BCAS3: variants seen among roughly 807,000 people sequenced by gnomAD.
BCAS3 encodes BCAS3 microtubule associated cell migration factor, also known as BCAS4/BCAS3 fusion.
BCAS3 carries 53 observed loss-of-function variants against 116.1 expected under a neutral mutation model. That is an observed-to-expected ratio of 0.46 (90% CI 0.37 to 0.57). The LOEUF is 0.57. Among genes scored for constraint, BCAS3 ranks in the 20% least tolerant of loss-of-function variants. The pLI is 0.00. For synonymous variants in BCAS3, 391 were observed against 408.2 expected (o/e 0.96, Z 0.51); for missense variants, 917 against 1,165.4 (o/e 0.79, Z 3.10).
chr17:60,902,359 T>G (rs1222714467), intron 10 of BCAS3, among the ~76,000 whole-genome samples: 2 of 152,188 alleles, frequency 1.3e-5, no homozygotes, highest in East Asian at 3.8e-4. Context: ...CATTTCAGAG[T>G]TTATGGATTC....
intron 16 of BCAS3, among the ~76,000 whole-genome samples, chr17:61,018,485 A>ACAGACAGGGTTTCGC: frequency 6.6e-6 from 1 of 151,652 alleles, no homozygotes; most frequent in Non-Finnish European, 1.5e-5. Context: ...TATTTTTAGT[A>ACAGACAGGGTTTCGC]CAGACAGGGT....
At chr17:61,291,423 T>C (rs1197222085) in intron 22 of BCAS3, among the ~76,000 whole-genome samples, 1 of 152,180 alleles carries the variant, frequency 6.6e-6, no homozygotes, top group Non-Finnish European at 1.5e-5. Flanking sequence ...AGAAGGATTG[T>C]GAGATTTGAG....
chr17:60,840,037 A>G (rs550049338), intron 7 of BCAS3, among the ~76,000 whole-genome samples: 168 of 152,146 alleles, frequency 1.1e-3, no homozygotes, highest in Admixed American at 2.4e-3. Flanking sequence ...TGTTCATTGT[A>G]TTGCATTAAA....
At chr17:61,284,981 T>A (rs1207267506) in intron 22 of BCAS3, among the ~76,000 whole-genome samples, 1 of 152,178 alleles carries the variant, frequency 6.6e-6, no homozygotes, top group Non-Finnish European at 1.5e-5. Flanking sequence ...GTCATCAAGG[T>A]TCTCTCCTGG....
intron 22 of BCAS3, among the ~76,000 whole-genome samples, chr17:61,317,541 T>C (rs950525366): frequency 5.3e-5 from 8 of 152,152 alleles, no homozygotes; most frequent in Admixed American, 1.3e-4. Context: ...GAGGGCTTCA[T>C]TGACGGTGAG....
Position 61,024,949 on chromosome 17 carries a change from G to A in BCAS3, c.1637+9048G>A, listed in dbSNP as rs143442845. 2.0e-4 allele frequency among the ~76,000 whole-genome samples: 31 copies of A among 152,132 alleles called. 1 individual carries two copies. The East Asian group carries it at 5.6e-3, about 27-fold the overall frequency. On this transcript the variant is annotated intron_variant, in intron 16 of 23. Coordinates refer to ENST00000407086, the MANE Select transcript of BCAS3 (RefSeq NM_017679.5). The stretch of plus-strand genomic sequence containing the variant: ...CTGCCCTGAGTAGGTACAATATAAC[G>A]ACGTAAGCCTGGACATTCCAGATTA...
chr17:60,896,598 G>A (rs1283220845), intron 10 of BCAS3, among the ~76,000 whole-genome samples: 2 of 142,892 alleles, frequency 1.4e-5, no homozygotes, highest in Admixed American at 1.4e-4. Context: ...TTTTCCAGCT[G>A]TTTTTGACTT....
chr17:61,303,266 T>C (rs1358806222), intron 22 of BCAS3, among the ~76,000 whole-genome samples: 2 of 152,226 alleles, frequency 1.3e-5, no homozygotes, highest in Admixed American at 1.3e-4. Context: ...TCTTCTGAGC[T>C]GCCTAAAACA....
chr17:61,338,024 C>T (rs1279024857), intron 22 of BCAS3, among the ~76,000 whole-genome samples: 4 of 152,100 alleles, frequency 2.6e-5, no homozygotes, highest in Non-Finnish European at 4.4e-5. Context: ...AAAGTTAGGT[C>T]GAATGTCACG....
chr17:60,758,941 G>C (rs564540568), intron 6 of BCAS3, among the ~76,000 whole-genome samples: 19 of 151,244 alleles, frequency 1.3e-4, no homozygotes, highest in African/African-American at 4.4e-4. Flanking sequence ...AATTCATTTT[G>C]ATGTTGATAC....
chr17:60,931,935 T>C (rs2059666662), intron 13 of BCAS3, among the ~76,000 whole-genome samples: 1 of 151,998 alleles, frequency 6.6e-6, no homozygotes, highest in South Asian at 2.1e-4. Flanking sequence ...TAGCTGGGTG[T>C]AGTGGTGCAC....
chr17:61,125,950 C>T (rs1183536634), intron 22 of BCAS3, among the ~76,000 whole-genome samples: 1 of 152,076 alleles, frequency 6.6e-6, no homozygotes, highest in African/African-American at 2.4e-5. Flanking sequence ...AGTGAAAAAA[C>T]AGAGTTTACC....
At chr17:61,009,262 T>C (rs995095642) in intron 15 of BCAS3, among the ~76,000 whole-genome samples, 1 of 152,070 alleles carries the variant, frequency 6.6e-6, no homozygotes, top group African/African-American at 2.4e-5. Context: ...GCCGTTTCTA[T>C]ACTTATCTCT....
intron 7 of BCAS3, among the ~76,000 whole-genome samples, chr17:60,861,360 G>C (rs2054140989): frequency 6.6e-6 from 1 of 152,186 alleles, no homozygotes; most frequent in South Asian, 2.1e-4. Flanking sequence ...AAACCTTGCT[G>C]GAGTTGTTTA....
At chr17:60,779,370 C>CTT (rs374528469) in intron 6 of BCAS3, among the ~76,000 whole-genome samples, 9 of 140,870 alleles carry the variant, frequency 6.4e-5, no homozygotes, top group African/African-American at 1.6e-4. Flanking sequence ...TATTTTCTTT[C>CTT]TTTTTTTTTT....
At chr17:60,921,020 C>T (rs1203480159) in intron 12 of BCAS3, among the ~76,000 whole-genome samples, 2 of 152,124 alleles carry the variant, frequency 1.3e-5, no homozygotes, top group African/African-American at 4.8e-5. Flanking sequence ...GGAGACTTCT[C>T]AACTTAAACA....
At chr17:60,726,548 T>C (rs1185181166) in intron 5 of BCAS3, among the ~76,000 whole-genome samples, 1 of 149,786 alleles carries the variant, frequency 6.7e-6, no homozygotes, top group Non-Finnish European at 1.5e-5. Context: ...CTCACTCTGT[T>C]GCCCAGGCTG....
chr17:61,115,811 A>T (rs1224731678), intron 22 of BCAS3, among the ~76,000 whole-genome samples: 1 of 150,812 alleles, frequency 6.6e-6, no homozygotes, highest in African/African-American at 2.4e-5. Context: ...TTGCGGCATT[A>T]TTCACAATAG....
intron 6 of BCAS3, among the ~76,000 whole-genome samples, chr17:60,764,123 G>T (rs930866456): frequency 3.3e-5 from 5 of 149,488 alleles, no homozygotes; most frequent in Admixed American, 6.6e-5. Context: ...TATCAATTTT[G>T]TTATCTTTTC....
Sources: gnomAD v4.1 joint callset for allele counts (sites outside exome capture counted in the v4.1 genomes callset) on GRCh38, gnomAD v4.1.1 for gene constraint, MANE v1.5 for transcripts, NCBI Gene and HGNC (gene_info 2026-07-23, HGNC 2026-07-21) for gene names.